Variants in CCDC144A observed in about 807,000 individuals in gnomAD.
The protein encoded by CCDC144A is coiled-coil domain containing 144A.
A neutral mutation model predicts 143.8 loss-of-function variants in CCDC144A; 41 were observed. That is an observed-to-expected ratio of 0.29 (90% CI 0.22 to 0.37). The LOEUF is 0.37. CCDC144A is among the 10% of genes least tolerant of loss of function. The pLI is 1.00. For synonymous variants in CCDC144A, 242 were observed against 517.9 expected, an observed-to-expected ratio of 0.47 and a Z score of 7.23; for missense variants, 637 against 1,488.8, an observed-to-expected ratio of 0.43 and a Z score of 9.41.
At chr17:16,693,421 T>C (rs1216942484) in intron 2 of CCDC144A, among the ~76,000 whole-genome samples, 3 of 151,898 alleles carry the variant, frequency 2.0e-5, no homozygotes, top group African/African-American at 4.8e-5. Context: ...GTTCACGCCA[T>C]TCTCTTGCCT....
intron 12 of CCDC144A, among the ~76,000 whole-genome samples, chr17:16,757,068 G>A (rs1915124414): frequency 6.6e-6 from 1 of 152,272 alleles, no homozygotes; most frequent in Admixed American, 6.5e-5. Context: ...CCAGTTTTTG[G>A]TGGCAGTGGG....
chr17:16,750,095 A>G (rs1470677736), intron 12 of CCDC144A, among the ~76,000 whole-genome samples: 2 of 152,170 alleles, frequency 1.3e-5, no homozygotes, highest in African/African-American at 2.4e-5. Flanking sequence ...CATTGTATTC[A>G]GTATTAATAT....
the CCDC144A span, among the ~76,000 whole-genome samples, chr17:16,674,229 C>T: frequency 2.6e-5 from 4 of 151,868 alleles, no homozygotes; most frequent in African/African-American, 4.8e-5. Flanking sequence ...GCCTAGGCAA[C>T]ATGGTGAAAT....
intron 1 of CCDC144A, among the ~76,000 whole-genome samples, 198 bp downstream of exon 1, chr17:16,690,942 T>C (rs556307606): frequency 6.6e-6 from 1 of 152,314 alleles, no homozygotes; most frequent in East Asian, 1.9e-4. Context: ...TTTAAAAATA[T>C]TGCACTTCCC....
chr17:16,755,250 G>A (rs1342961153), intron 12 of CCDC144A, among the ~76,000 whole-genome samples: 4 of 152,126 alleles, frequency 2.6e-5, no homozygotes, highest in African/African-American at 9.7e-5. Flanking sequence ...TGAGAGGTGA[G>A]GACTTACTCC....
chr17:16,709,837 C>T (rs1912291133), intron 5 of CCDC144A, among the ~76,000 whole-genome samples: 1 of 152,192 alleles, frequency 6.6e-6, no homozygotes, highest in African/African-American at 2.4e-5. Context: ...ACCTAAGTCT[C>T]TCTGTCAGTC....
the CCDC144A span, chr17:16,667,110 C>CCAGAAGCCAGTGG: frequency 1.7e-4 from 27 of 154,536 alleles, no homozygotes; most frequent in African/African-American, 6.3e-4. Flanking sequence ...CAGCCGGCGG[C>CCAGAAGCCAGTGG]CAGGAGCCAG....
chr17:16,769,741 T>C (rs1352298197), intron 15 of CCDC144A, among the ~76,000 whole-genome samples: 4 of 152,046 alleles, frequency 2.6e-5, no homozygotes, highest in African/African-American at 9.7e-5. Flanking sequence ...GATTCATAAC[T>C]TACAATTTGG....
rs2649269 is a variant in CCDC144A at position 16,722,526 on chromosome 17, T to C, written c.1891+1868T>C. On this transcript the variant is annotated intron_variant, in intron 8 of 16. Coordinates refer to ENST00000399273, the MANE Select transcript of CCDC144A (RefSeq NM_001382000.1). Reference sequence around the variant, plus strand: ...GTTCCTGAATTGATAATCATAATCATCCAAAGTCCATAGTTTATATTAGGG... The same window carrying C: ...GTTCCTGAATTGATAATCATAATCACCCAAAGTCCATAGTTTATATTAGGG... Among the ~76,000 whole-genome samples, 533 of 151,880 alleles carry C rather than the reference T, an allele frequency of 3.5e-3. 5 individuals carry two copies. The highest frequency in any genetic ancestry group is 0.012 in the African/African-American group (509 of 41,370).
the CCDC144A span, among the ~76,000 whole-genome samples, chr17:16,667,996 G>A: frequency 6.7e-6 from 1 of 149,200 alleles, no homozygotes; most frequent in African/African-American, 2.5e-5. Context: ...AGTGATCCGT[G>A]TTTTCCAACT....
upstream of CCDC144A, among the ~76,000 whole-genome samples, chr17:16,686,812 C>T (rs1910802634): frequency 6.6e-6 from 1 of 150,894 alleles, no homozygotes; most frequent in African/African-American, 2.4e-5. Context: ...GGCGGTGTTT[C>T]AGGGAAGGGA....
intron 15 of CCDC144A, chr17:16,765,878 G>A (rs1915573673): frequency 6.6e-6 from 1 of 152,226 alleles, no homozygotes; most frequent in Admixed American, 6.5e-5. Flanking sequence ...GTCTGTAAAT[G>A]GTTAAGCAAG....
intron 11 of CCDC144A, among the ~76,000 whole-genome samples, chr17:16,733,904 G>A (rs1460946939): frequency 6.6e-5 from 10 of 152,158 alleles, no homozygotes; most frequent in Admixed American, 2.6e-4. Flanking sequence ...TTGGGAGGCC[G>A]AGGTGGGTGG....
At chr17:16,708,349 A>G (rs1368092306) in intron 4 of CCDC144A, among the ~76,000 whole-genome samples, 3 of 152,198 alleles carry the variant, frequency 2.0e-5, no homozygotes, top group Non-Finnish European at 2.9e-5. Context: ...TTAGTAATCT[A>G]TGGAACTTAC....
At chr17:16,704,312 G>A (rs1470755523) in intron 2 of CCDC144A, among the ~76,000 whole-genome samples, 1 of 152,098 alleles carries the variant, frequency 6.6e-6, no homozygotes, top group Admixed American at 6.5e-5. Flanking sequence ...AAAATTAGCC[G>A]GGCGTAGTGG....
chr17:16,673,535 T>G, the CCDC144A span, among the ~76,000 whole-genome samples: 1 of 151,812 alleles, frequency 6.6e-6, no homozygotes, highest in Non-Finnish European at 1.5e-5. Context: ...TACAGGCATG[T>G]GCCACCACGC....
chr17:16,702,264 C>G (rs563449534), intron 2 of CCDC144A, among the ~76,000 whole-genome samples: 1 of 152,184 alleles, frequency 6.6e-6, no homozygotes, highest in Non-Finnish European at 1.5e-5. Flanking sequence ...AGTGTTTCTT[C>G]TTAAGCTTCT....
chr17:16,678,815 C>T, the CCDC144A span, among the ~76,000 whole-genome samples: 25 of 135,332 alleles, frequency 1.8e-4, no homozygotes, highest in East Asian at 5.2e-3. Context: ...AGTGCAATGG[C>T]GCAATCTTGG....
intron 8 of CCDC144A, among the ~76,000 whole-genome samples, chr17:16,722,768 A>C (rs1913167070): frequency 6.6e-6 from 1 of 152,064 alleles, no homozygotes; most frequent in South Asian, 2.1e-4. Flanking sequence ...TTTAGTTGGT[A>C]TCAGACAGCG....
Sources: allele counts gnomAD v4.1 joint callset (sites outside exome capture counted in the v4.1 genomes callset), GRCh38; gene constraint gnomAD v4.1.1; transcripts MANE v1.5; gene names NCBI Gene and HGNC (gene_info 2026-07-23, HGNC 2026-07-21).